PDXDC1: variants seen among roughly 807,000 people sequenced by gnomAD.
PDXDC1 encodes the protein pyridoxal-dependent decarboxylase domain-containing protein 1.
PDXDC1 carries 42 observed loss-of-function variants against 100.1 expected under a neutral mutation model. The observed-to-expected ratio is 0.42, with a 90% CI of 0.33 to 0.54. The LOEUF (loss-of-function observed/expected upper bound fraction) is 0.54. PDXDC1 is among the 20% of genes least tolerant of loss of function. PDXDC1 has a pLI of 0.10. For synonymous variants in PDXDC1, 260 were observed against 371.7 expected (o/e 0.70, Z 3.46); for missense variants, 636 against 979.2 (o/e 0.65, Z 4.68).
At chr16:15,051,076 T>C (rs1458849410) in intron 16 of PDXDC1, among the ~76,000 whole-genome samples, 1 of 152,204 alleles carries the variant, frequency 6.6e-6, no homozygotes, top group Non-Finnish European at 1.5e-5. Flanking sequence ...GAATTCAGAA[T>C]TCCCTCTTGA....
At chr16:15,056,966 C>T (rs1194584891) in intron 16 of PDXDC1, among the ~76,000 whole-genome samples, 1 of 152,104 alleles carries the variant, frequency 6.6e-6, no homozygotes, top group Non-Finnish European at 1.5e-5. Flanking sequence ...AATCTGAGGA[C>T]AGGTCCCCAA....
Position 14,989,302 on chromosome 16 carries a change from A to T in PDXDC1, c.22-8451A>T. ...ATGGGGCCAGAGACGTGCACCACCC[A>T]CAGCACCGTCTCATCCAGCTGCGTC... On this transcript the variant is annotated intron_variant, in intron 1 of 22. Coordinates refer to ENST00000396410, the MANE Select transcript of PDXDC1 (RefSeq NM_015027.4). 1.9e-6 allele frequency: 3 copies of T among 1,613,260 alleles called. 1 individual carries two copies. In the South Asian group the frequency reaches 3.3e-5, roughly 18 times the overall value.
chr16:15,010,581 A>G (rs373111133), intron 8 of PDXDC1, among the ~76,000 whole-genome samples: 549 of 152,204 alleles, frequency 3.6e-3, no homozygotes, highest in African/African-American at 0.013. Flanking sequence ...TCTACCTTAT[A>G]GGCGGCAGAG....
chr16:14,987,610 T>A (rs528444480), intron 1 of PDXDC1, among the ~76,000 whole-genome samples: 5 of 152,404 alleles, frequency 3.3e-5, no homozygotes, highest in Non-Finnish European at 5.9e-5. Context: ...AATACTGTTT[T>A]TCCTTTGTTT....
chr16:15,131,478 G>A (rs199862766), intron 16 of PDXDC1: 126 of 1,607,180 alleles, frequency 7.8e-5, no homozygotes, highest in Non-Finnish European at 8.8e-5. Flanking sequence ...CTGGGGCGCC[G>A]CCATAGCACA....
At chr16:15,148,829 A>G in the PDXDC1 span, among the ~76,000 whole-genome samples, 1 of 151,960 alleles carries the variant, frequency 6.6e-6, no homozygotes. Flanking sequence ...CACATTCCCA[A>G]CTGCTACAGA....
chr16:14,975,281 C>T (rs1658572293), intron 1 of PDXDC1, 61 bp downstream of exon 1: 1 of 1,380,000 alleles, frequency 7.2e-7, no homozygotes, highest in Non-Finnish European at 9.3e-7. Context: ...GCTTCCGAGG[C>T]AACTGTTTCC....
chr16:15,061,661 C>T, intron 16 of PDXDC1: 1 of 1,360,492 alleles, frequency 7.4e-7, no homozygotes, highest in Non-Finnish European at 1.0e-6. Flanking sequence ...GCCATCAATG[C>T]CCAATGGCAC....
chr16:14,999,530 G>A (rs1387599214), intron 3 of PDXDC1, among the ~76,000 whole-genome samples: 21 of 152,206 alleles, frequency 1.4e-4, no homozygotes, highest in Non-Finnish European at 1.2e-4. Flanking sequence ...ACAACATGGC[G>A]AGACCCTATC....
At chr16:14,987,279 A>G (rs1435205542) in intron 1 of PDXDC1, among the ~76,000 whole-genome samples, 1 of 152,302 alleles carries the variant, frequency 6.6e-6, no homozygotes, top group Non-Finnish European at 1.5e-5. Context: ...AAGCTTTTTT[A>G]AAGTGTTGAG....
In PDXDC1 at chr16:15,017,995, A is replaced by C. The variant is rs141113964; in HGVS notation, c.963+573A>C. Among the ~76,000 whole-genome samples the C allele has an allele frequency of 3.2e-3, 489 of 152,214 alleles. 1 individual carries two copies. The highest frequency in any genetic ancestry group is 9.7e-3 in the African/African-American group (403 of 41,516). On this transcript the variant is annotated intron_variant, in intron 11 of 22. Transcript: ENST00000396410. ...TTTTAGTAGAGGCAGTGTTTCACCA[A>C]GTTGGTCATGTTGAACTCGCGATCT...
At chr16:15,081,992 T>G (rs1400237631) in intron 16 of PDXDC1, among the ~76,000 whole-genome samples, 4 of 152,348 alleles carry the variant, frequency 2.6e-5, no homozygotes, top group African/African-American at 9.6e-5. Flanking sequence ...AACTCATTTA[T>G]TATCTCTAAA....
chr16:15,129,146 A>G (rs2047919970), intron 16 of PDXDC1, among the ~76,000 whole-genome samples: 1 of 151,904 alleles, frequency 6.6e-6, no homozygotes. Context: ...AGAACTGGGA[A>G]ATGAAGATAA....
chr16:15,067,734 A>T (rs562714133), intron 16 of PDXDC1, among the ~76,000 whole-genome samples: 1 of 152,152 alleles, frequency 6.6e-6, no homozygotes, highest in African/African-American at 2.4e-5. Flanking sequence ...TAGCTGTATC[A>T]CAGTATTTCC....
intron 16 of PDXDC1, among the ~76,000 whole-genome samples, chr16:15,073,953 T>A (rs1322655258): frequency 1.3e-5 from 2 of 152,140 alleles, no homozygotes; most frequent in Non-Finnish European, 2.9e-5. Flanking sequence ...AGCATCCATG[T>A]AAAGGGCAGA....
rs558846263 is a variant in PDXDC1 at position 15,032,857 on chromosome 16, T to G, written c.1572-4T>G. ...TGAAATGCTGTGGTTTGATGTTGTT[T>G]TAGGTATGAACATGCTAATGATGAT... On this transcript the variant is annotated splice_polypyrimidine_tract_variant and splice_region_variant and intron_variant, in intron 17 of 22. Coordinates refer to ENST00000396410, the MANE Select transcript of PDXDC1 (RefSeq NM_015027.4). The G allele has an allele frequency of 4.0e-6, 6 of 1,495,732 alleles. No individual in the cohort carries two copies. Among genetic ancestry groups the G allele is most frequent in the Non-Finnish European group, 3.7e-6 (4 of 1,072,034 alleles). The allele number at this position is 1,495,732 out of a possible 1,614,324, so 92.7% of individuals were successfully genotyped here. A position where few individuals can be genotyped will look rare whatever the true frequency, so the allele number is the denominator to read the frequency against.
intron 16 of PDXDC1, among the ~76,000 whole-genome samples, chr16:15,067,298 A>G (rs1213265688): frequency 6.7e-6 from 1 of 149,330 alleles, no homozygotes; most frequent in Non-Finnish European, 1.5e-5. Flanking sequence ...ATAAAGCAGA[A>G]TAACTTAGTG....
At chr16:15,019,608 G>A (rs995464968) in intron 12 of PDXDC1, among the ~76,000 whole-genome samples, 6 of 152,266 alleles carry the variant, frequency 3.9e-5, no homozygotes, top group African/African-American at 9.6e-5. Flanking sequence ...TGTCGGGCCC[G>A]TTCCTCATAG....
At chr16:14,987,816 T>C (rs1236633041) in intron 1 of PDXDC1, among the ~76,000 whole-genome samples, 1 of 152,272 alleles carries the variant, frequency 6.6e-6, no homozygotes, top group African/African-American at 2.4e-5. Flanking sequence ...TTTGCTATGT[T>C]GGCCAGGCTG....
Sources: gnomAD v4.1 joint callset for allele counts (sites outside exome capture counted in the v4.1 genomes callset) on GRCh38, gnomAD v4.1.1 for gene constraint, MANE v1.5 for transcripts, NCBI Gene and HGNC (gene_info 2026-07-23, HGNC 2026-07-21) for gene names.